OTOF: variants seen among roughly 807,000 people sequenced by gnomAD.
OTOF encodes the protein fer-1-like family member 2.
A neutral mutation model predicts 236.8 loss-of-function variants in OTOF; 218 were observed. The observed-to-expected ratio is 0.92, with a 90% CI of 0.82 to 1.03. The LOEUF (loss-of-function observed/expected upper bound fraction) is 1.03, where lower values mean the gene tolerates loss of function less well. Among genes scored for constraint, OTOF ranks in the 50% least tolerant of loss-of-function variants. The pLI is 0.00. For missense variants in OTOF, 2,590 were observed against 2,694.4 expected (o/e 0.96, Z 0.86); for synonymous variants, 1,041 against 1,072.5 (o/e 0.97, Z 0.57).
chr2:26,530,053 G>T (rs1038776787), intron 2 of OTOF, among the ~76,000 whole-genome samples: 3 of 152,334 alleles, frequency 2.0e-5, no homozygotes, highest in African/African-American at 7.2e-5. Context: ...CAGCCAGGGC[G>T]CTGTGTGGGA....
intron 1 of OTOF, among the ~76,000 whole-genome samples, chr2:26,547,132 CA>C (rs1334357468): frequency 6.6e-6 from 1 of 152,108 alleles, no homozygotes; most frequent in Non-Finnish European, 1.5e-5. Flanking sequence ...TGATTTTTAT[CA>C]GATTGAGGAA....
At position 26,470,744 on chromosome 2, in the gene OTOF, G is replaced by A. The variant is rs1361907654; in HGVS notation, c.3895-23C>T. On this transcript the variant is annotated intron_variant, in intron 31 of 46. Transcript: ENST00000272371. This position sits in a 1 kb window ranked among gnomAD's most constrained non-coding sequence, Gnocchi z 4.3. ...AGCCTGCAGGTTGGCCAGGTCCAGA[G>A]TCCTACATGGACTCCTCCTGCCTGG... 3.7e-6 allele frequency: 6 copies of A among 1,610,142 alleles called. No individual in the cohort carries two copies.
chr2:26,461,030 CCT>C lies in OTOF; in HGVS notation c.5534-2_5534-1del. 7.0e-7 allele frequency: 1 copy of C among 1,419,948 alleles called. No homozygotes were observed. Among genetic ancestry groups the C allele is most frequent in the Non-Finnish European group, 9.4e-7 (1 of 1,059,990 alleles). The allele number at this position is 1,419,948 out of a possible 1,614,324, so 88.0% of individuals were successfully genotyped here. A position where few individuals can be genotyped will look rare whatever the true frequency, so the allele number is the denominator to read the frequency against. On this transcript the variant is annotated splice_acceptor_variant, in intron 43 of 46. Transcript: ENST00000272371. LOFTEE classifies it high-confidence loss of function. This position sits in a 1 kb window ranked among gnomAD's most constrained non-coding sequence, Gnocchi z 6.2. Reference sequence around the variant, plus strand: ...CCGGTTCAGGTCCAGCTCGATGGCCCCTGTGGCAACCTCAGTGTCAGCTCAGA... The same window carrying C: ...CCGGTTCAGGTCCAGCTCGATGGCCCGTGGCAACCTCAGTGTCAGCTCAGA...
intron 11 of OTOF, among the ~76,000 whole-genome samples, chr2:26,488,855 G>C (rs1014303938): frequency 6.6e-6 from 1 of 152,220 alleles, no homozygotes; most frequent in African/African-American, 2.4e-5. Context: ...AGGCTGTGAC[G>C]GGTCTCCCTC....
chr2:26,467,129 G>A lies in OTOF; in HGVS notation c.4332C>T (p.Thr1444=), dbSNP rs149236286. The A allele has an allele frequency of 0.019, 30,680 of 1,613,904 alleles. 371 individuals carry two copies. The highest frequency in any genetic ancestry group is 0.022 in the Non-Finnish European group (26,129 of 1,179,988). Reference sequence around the variant, plus strand: ...AGCGTCCCACAATGCGCTCCTCCTCGGTGGAGCCATCCTCATCATCCCCGG... The same window carrying A: ...AGCGTCCCACAATGCGCTCCTCCTCAGTGGAGCCATCCTCATCATCCCCGG... ...GKTGDDEDGS[T]EEERIVGRFK... The change falls in exon 35 of 47, where the codon ACC becomes ACT. Residue 1444 remains threonine, a synonymous_variant. Transcript: ENST00000272371.
At chr2:26,501,615 C>G (rs1320138652) in intron 8 of OTOF, 139 bp downstream of exon 8, 1 of 673,706 alleles carries the variant, frequency 1.5e-6, no homozygotes, top group Non-Finnish European at 2.7e-6. Flanking sequence ...AACAAGCTTA[C>G]TTTGGGAACT....
intron 35 of OTOF, 66 bp downstream of exon 35, chr2:26,467,033 G>A (rs928464061): frequency 1.2e-4 from 194 of 1,587,048 alleles, no homozygotes; most frequent in Non-Finnish European, 1.5e-4. Context: ...GGAGGTGAGT[G>A]GGGGAACCTG....
At position 26,477,712 on chromosome 2, in the gene OTOF, GT is replaced by G; in HGVS notation, c.2251del (p.Thr751ArgfsTer17). 1 of 1,612,706 alleles carries G rather than the reference GT, an allele frequency of 6.2e-7. No homozygotes were observed. Among genetic ancestry groups the G allele is most frequent in the Non-Finnish European group, 8.5e-7 (1 of 1,179,960 alleles). The stretch of plus-strand genomic sequence containing the variant: ...GCGACGCTCAGGGTAGGACTTCTCC[GT>G]TTTGATCATCTCCTGTATGTCGTTC... Reference protein sequence around the residue: ...GLNDIQEMIKTEKSYPERRLR... With the variant: ...GLNDIQEMIKXEKSYPERRLR... On this transcript the variant is annotated frameshift_variant, in exon 19 of 47. Coordinates refer to ENST00000272371, the MANE Select transcript of OTOF (RefSeq NM_194248.3). LOFTEE classifies it high-confidence loss of function. The surrounding 1 kb of genome is among the most constrained non-coding windows in gnomAD (Gnocchi z 4.7).
At chr2:26,527,781 A>G in intron 3 of OTOF, 51 bp downstream of exon 3, 2 of 1,333,254 alleles carry the variant, frequency 1.5e-6, no homozygotes, top group South Asian at 2.3e-5. Flanking sequence ...GGAGAAGAGC[A>G]GGCTCCCAGC....
chr2:26,528,061 T>C (rs1666853606), intron 2 of OTOF, 141 bp from the exon 3 acceptor site: 1 of 707,702 alleles, frequency 1.4e-6, no homozygotes, highest in African/African-American at 1.7e-5. Flanking sequence ...GGACAAAGCA[T>C]TGACACCTGG....
chr2:26,502,334 C>A lies in OTOF; in HGVS notation c.676G>T (p.Val226Phe). The change falls in exon 7 of 47, where the codon GTC (valine) becomes TTC (phenylalanine). Residue 226 changes from valine (V) to phenylalanine (F), a missense_variant. By Grantham distance (50) the Val-to-Phe change is conservative. Coordinates refer to ENST00000272371, the MANE Select transcript of OTOF (RefSeq NM_194248.3). The stretch of plus-strand genomic sequence containing the variant: ...GAGACATTAGTGGTGAGAGCTGTGA[C>A]TGAGGCTAGAGACACCGAGTCGGGA... ...LDPDSVSLAS[V>F]TALTTNVSNK... The A allele has an allele frequency of 6.2e-7, 1 of 1,614,112 alleles. No individual in the cohort carries two copies. The highest frequency in any genetic ancestry group is 1.1e-5 in the South Asian group (1 of 91,070).
At chr2:26,518,879 TCTC>T in intron 4 of OTOF, 128 bp downstream of exon 4, 3 of 730,636 alleles carry the variant, frequency 4.1e-6, no homozygotes, top group South Asian at 1.5e-5. Flanking sequence ...CTGACCTGAG[TCTC>T]CTCCTCCTGC....
At chr2:26,463,639 C>A in intron 40 of OTOF, 68 bp from the exon 41 acceptor site, 1 of 1,288,290 alleles carries the variant, frequency 7.8e-7, no homozygotes, top group Non-Finnish European at 1.1e-6. Context: ...CAGCTCTCCT[C>A]TCCCTCCTAA....
chr2:26,480,329 A>G lies in OTOF; in HGVS notation c.1804-18T>C. 1 of 1,479,648 alleles carries G rather than the reference A, an allele frequency of 6.8e-7. No homozygotes were observed. The highest frequency in any genetic ancestry group is 2.3e-5 in the East Asian group (1 of 44,232). 91.7% of individuals were successfully genotyped at this position (1,479,648 alleles called of 1,614,324 possible). ...GCACAGCTCTGTGGGGAGGCAGTTCAAAGCGTTCCTGAGCTTGAGTAAGGG... is the reference window on the plus strand; with the variant it reads ...GCACAGCTCTGTGGGGAGGCAGTTCGAAGCGTTCCTGAGCTTGAGTAAGGG... On this transcript the variant is annotated intron_variant, in intron 15 of 46. Transcript: ENST00000272371.
At chr2:26,493,708 T>C (rs1317583834) in intron 9 of OTOF, among the ~76,000 whole-genome samples, 2 of 151,686 alleles carry the variant, frequency 1.3e-5, no homozygotes. Flanking sequence ...GGGAAGAAAG[T>C]TTTGTTATTG....
intron 46 of OTOF, 146 bp downstream of exon 46, chr2:26,459,862 C>T (rs528685325): frequency 0.018 from 13,371 of 762,784 alleles, 165 homozygotes; most frequent in African/African-American, 0.023. Flanking sequence ...TGCACTTGTG[C>T]GTGGCACATG....
intron 1 of OTOF, among the ~76,000 whole-genome samples, chr2:26,544,181 T>C (rs925762545): frequency 6.6e-6 from 1 of 152,224 alleles, no homozygotes; most frequent in Non-Finnish European, 1.5e-5. Context: ...TAGATGTGAG[T>C]CTCTCTTCTT....
intron 8 of OTOF, among the ~76,000 whole-genome samples, chr2:26,500,220 C>A (rs894392098): frequency 3.9e-5 from 6 of 152,236 alleles, no homozygotes; most frequent in African/African-American, 1.2e-4. Context: ...CCTGACCTTC[C>A]TGGGGCCTCA....
chr2:26,498,716 G>C (rs996348997), intron 8 of OTOF, among the ~76,000 whole-genome samples: 1 of 152,184 alleles, frequency 6.6e-6, no homozygotes, highest in African/African-American at 2.4e-5. Flanking sequence ...CCCCTGTCCT[G>C]GGAAAACCCG....
Sources: gnomAD v4.1 joint callset for allele counts (sites outside exome capture counted in the v4.1 genomes callset) on GRCh38, gnomAD v4.1.1 for gene constraint, Gnocchi (gnomAD v3.1) non-coding constraint, MANE v1.5 for transcripts, NCBI Gene and HGNC (gene_info 2026-07-23, HGNC 2026-07-21) for gene names.